Variants in AGBL1 observed in about 807,000 individuals in gnomAD.
AGBL1 encodes AGBL carboxypeptidase 1.
In AGBL1, 130 loss-of-function variants were observed where a neutral mutation model predicts 118.9. That is an observed-to-expected ratio of 1.09 (90% CI 0.95 to 1.26). The LOEUF is 1.26. AGBL1 is among the 50% of genes most tolerant of loss of function. The pLI is 0.00. For synonymous variants in AGBL1, 555 were observed against 478.9 expected, an observed-to-expected ratio of 1.16 and a Z score of -2.08; for missense variants, 1,584 against 1,298.1, an observed-to-expected ratio of 1.22 and a Z score of -3.38.
chr15:86,352,701 C>T (rs536923323), intron 17 of AGBL1, among the ~76,000 whole-genome samples: 28 of 152,152 alleles, frequency 1.8e-4, no homozygotes, highest in Non-Finnish European at 3.7e-4. Context: ...AGGCTGGTCT[C>T]GAACTCTTGA....
At chr15:86,612,011 A>C (rs2084663601) in intron 21 of AGBL1, among the ~76,000 whole-genome samples, 1 of 152,120 alleles carries the variant, frequency 6.6e-6, no homozygotes, top group Non-Finnish European at 1.5e-5. Context: ...AGTTCAAAGG[A>C]ATTTAACAAA....
At chr15:86,253,171 T>C (rs1405584798) in intron 7 of AGBL1, among the ~76,000 whole-genome samples, 1 of 152,138 alleles carries the variant, frequency 6.6e-6, no homozygotes, top group African/African-American at 2.4e-5. Flanking sequence ...GAGATTGAGT[T>C]GGAGTCATGG....
chr15:86,752,871 A>G (rs188704507), intron 22 of AGBL1, among the ~76,000 whole-genome samples: 152 of 152,204 alleles, frequency 1.0e-3, no homozygotes, highest in Non-Finnish European at 1.8e-3. Context: ...AGGACCCTTG[A>G]TTAGATGAGG....
chr15:86,423,850 G>A (rs1413810380), intron 18 of AGBL1, among the ~76,000 whole-genome samples: 1 of 152,088 alleles, frequency 6.6e-6, no homozygotes, highest in Admixed American at 6.5e-5. Context: ...TCTTCAAGGA[G>A]AGCTACAAAC....
At chr15:86,453,079 C>T (rs1217985880) in intron 18 of AGBL1, among the ~76,000 whole-genome samples, 13 of 152,124 alleles carry the variant, frequency 8.5e-5, no homozygotes, top group South Asian at 8.3e-4. Flanking sequence ...TATTGTGTTT[C>T]GCCCTTTTCT....
At chr15:86,945,244 TAAAA>T (rs11326362) in intron 23 of AGBL1, among the ~76,000 whole-genome samples, 1 of 70,778 alleles carries the variant, frequency 1.4e-5, no homozygotes, top group African/African-American at 5.4e-5. Context: ...ACCCCATCAC[TAAAA>T]AAAAAAAAAA....
rs556727933 is a variant in AGBL1, at chr15:86,757,910, C to G, written c.3158+83474C>G. Among the ~76,000 whole-genome samples the G allele has an allele frequency of 3.9e-5, 6 of 152,208 alleles. No homozygotes were observed. In the South Asian group the frequency reaches 8.3e-4, roughly 21 times the overall value. ...ATTTTAAAATGTAAGACAAGTGATT[C>G]TAGATACATTTTATTCCACTTTGTA... On this transcript the variant is annotated intron_variant, in intron 22 of 22. Transcript: ENST00000614907.
chr15:86,093,030 G>T (rs945569226), intron 1 of AGBL1, among the ~76,000 whole-genome samples: 3 of 152,158 alleles, frequency 2.0e-5, no homozygotes, highest in Non-Finnish European at 4.4e-5. Context: ...TTTGGAAGGT[G>T]CCTGGGAAGG....
At chr15:86,968,224 T>C (rs2081073876) in intron 23 of AGBL1, among the ~76,000 whole-genome samples, 1 of 151,804 alleles carries the variant, frequency 6.6e-6, no homozygotes, top group African/African-American at 2.4e-5. Flanking sequence ...CTAGATTACC[T>C]CCTCAAATGA....
chr15:86,804,069 G>C (rs982567629), intron 22 of AGBL1, among the ~76,000 whole-genome samples: 3 of 152,094 alleles, frequency 2.0e-5, no homozygotes, highest in Non-Finnish European at 4.4e-5. Context: ...CAACCCCTAA[G>C]AAAGCCAAGT....
chr15:86,409,765 C>A (rs915005146), intron 18 of AGBL1, among the ~76,000 whole-genome samples: 3 of 152,122 alleles, frequency 2.0e-5, no homozygotes, highest in Non-Finnish European at 4.4e-5. Context: ...GGGGCTGAGG[C>A]TCCTCAGGAA....
At chr15:86,448,410 T>C (rs1417726508) in intron 18 of AGBL1, among the ~76,000 whole-genome samples, 5 of 152,160 alleles carry the variant, frequency 3.3e-5, no homozygotes. Flanking sequence ...AGCATGCTGA[T>C]ATCATTGAGG....
chr15:86,237,992 T>C (rs890949823), intron 6 of AGBL1, among the ~76,000 whole-genome samples: 3 of 152,198 alleles, frequency 2.0e-5, no homozygotes, highest in Non-Finnish European at 2.9e-5. Context: ...CCCTTGAGGT[T>C]TGAAGAATTT....
intron 22 of AGBL1, among the ~76,000 whole-genome samples, chr15:86,862,972 T>C (rs2079579323): frequency 6.6e-6 from 1 of 152,114 alleles, no homozygotes; most frequent in South Asian, 2.1e-4. Context: ...GGGCAAAAAC[T>C]GTGAGAGGAT....
intron 1 of AGBL1, among the ~76,000 whole-genome samples, chr15:86,104,369 A>T (rs1344939457): frequency 6.6e-6 from 1 of 152,090 alleles, no homozygotes; most frequent in Non-Finnish European, 1.5e-5. Flanking sequence ...GCAGCCATAG[A>T]CAGGCAGCTG....
chr15:86,453,812 A>T (rs911942533), intron 18 of AGBL1, among the ~76,000 whole-genome samples: 8 of 152,194 alleles, frequency 5.3e-5, no homozygotes, highest in African/African-American at 1.9e-4. Flanking sequence ...AGCCTTACCC[A>T]TTGGAAAAAA....
intron 21 of AGBL1, among the ~76,000 whole-genome samples, chr15:86,567,019 A>G (rs1451463913): frequency 3.3e-5 from 5 of 152,126 alleles, no homozygotes; most frequent in African/African-American, 4.8e-5. Context: ...CCTACAAAAC[A>G]TTTATCACCA....
intron 22 of AGBL1, among the ~76,000 whole-genome samples, chr15:86,847,759 C>A (rs1201434760): frequency 2.6e-5 from 4 of 152,162 alleles, no homozygotes; most frequent in Admixed American, 2.6e-4. Flanking sequence ...GACTTGGAGT[C>A]AGACAGTGAT....
chr15:86,375,758 T>C (rs2081034504), intron 17 of AGBL1, among the ~76,000 whole-genome samples: 1 of 152,164 alleles, frequency 6.6e-6, no homozygotes, highest in African/African-American at 2.4e-5. Context: ...CTGCTGCTGC[T>C]TCTGTGTTCA....
Sources: gnomAD v4.1 joint callset for allele counts (sites outside exome capture counted in the v4.1 genomes callset) on GRCh38, gnomAD v4.1.1 for gene constraint, MANE v1.5 for transcripts, NCBI Gene and HGNC (gene_info 2026-07-23, HGNC 2026-07-21) for gene names.